HTR2C: variants seen among roughly 807,000 people sequenced by gnomAD.
The protein encoded by HTR2C is 5-hydroxytryptamine receptor 2C, also known as 5-hydroxytryptamine (serotonin) receptor 2C, G protein-coupled.
HTR2C carries 5 observed loss-of-function variants against 21.0 expected under a neutral mutation model. The ratio of observed to expected loss-of-function variants is 0.24; its 90% CI spans 0.12 to 0.50. The LOEUF is 0.50. Ranked by LOEUF, HTR2C falls within the 20% of genes least tolerant of loss-of-function variation. The pLI, the probability that HTR2C is intolerant of heterozygous loss-of-function variation, is 0.98. For synonymous variants in HTR2C, 150 were observed against 145.3 expected, an observed-to-expected ratio of 1.03 and a Z score of -0.23; for missense variants, 271 against 371.2, an observed-to-expected ratio of 0.73 and a Z score of 2.22.
At chrX:114,654,386 G>T (rs1556409004) in intron 2 of HTR2C, among the ~76,000 whole-genome samples, 2 of 108,740 alleles carry the variant, frequency 1.8e-5, no homozygotes, top group Non-Finnish European at 3.8e-5. Flanking sequence ...TCAGTTAGAA[G>T]TGTGTAATTC....
chrX:114,790,044 A>G (rs1556443110), intron 4 of HTR2C, among the ~76,000 whole-genome samples: 1 of 112,166 alleles, frequency 8.9e-6, no homozygotes. Context: ...AAGCGTTTAT[A>G]TTTTGGTTAC....
intron 4 of HTR2C, chrX:114,775,124 T>C (rs1556438342): frequency 9.7e-6 from 5 of 517,506 alleles, no homozygotes; most frequent in South Asian, 2.3e-5. Flanking sequence ...GTTGCTTTCA[T>C]GTGGAATGCA....
chrX:114,632,351 G>A (rs1483167467), intron 2 of HTR2C, among the ~76,000 whole-genome samples: 1 of 111,437 alleles, frequency 9.0e-6, no homozygotes, highest in African/African-American at 3.3e-5. Flanking sequence ...AAAGGACATG[G>A]CCCTCATTAA....
chrX:114,838,613 G>A (rs1439592825), intron 4 of HTR2C, among the ~76,000 whole-genome samples: 1 of 111,646 alleles, frequency 9.0e-6, no homozygotes, highest in African/African-American at 3.3e-5. Flanking sequence ...ACATTTGAAT[G>A]AATGAACAAA....
intron 5 of HTR2C, among the ~76,000 whole-genome samples, chrX:114,870,090 A>ATTT (rs781889134): frequency 2.6e-4 from 6 of 22,882 alleles, no homozygotes; most frequent in Admixed American, 8.5e-4. Flanking sequence ...ATTTATTATT[A>ATTT]TTATTATTTT....
At chrX:114,869,733 T>C (rs1420502451) in intron 5 of HTR2C, among the ~76,000 whole-genome samples, 10 of 112,164 alleles carry the variant, frequency 8.9e-5, no homozygotes, top group Non-Finnish European at 1.7e-4. Context: ...GCATCCTTGT[T>C]ATGTTCCAGA....
chrX:114,840,645 G>A (rs1369760802), intron 4 of HTR2C, among the ~76,000 whole-genome samples: 1 of 111,516 alleles, frequency 9.0e-6, no homozygotes, highest in Non-Finnish European at 1.9e-5. Flanking sequence ...CAAATTTGGT[G>A]AAAGCCGTAA....
Position 114,893,057 on chromosome X carries a change from C to T in HTR2C, c.551-13532C>T, listed in dbSNP as rs186596528. On this transcript the variant is annotated intron_variant, in intron 5 of 5. Coordinates refer to ENST00000276198, the MANE Select transcript of HTR2C (RefSeq NM_000868.4). ...CCTCCCAAGTAGCTGGGATTACAGG[C>T]GCCCGCCACCACACCCAGCTACTTT... Among the ~76,000 whole-genome samples, 154 of 108,520 alleles carry T rather than the reference C, an allele frequency of 1.4e-3. 1 individual carries two copies. Among genetic ancestry groups the T allele is most frequent in the African/African-American group, 4.5e-3 (135 of 29,862 alleles). The allele number at this position is 108,520 out of a possible 115,157, so 94.2% of individuals were successfully genotyped here.
chrX:114,805,395 T>C (rs2070391687), intron 4 of HTR2C, among the ~76,000 whole-genome samples: 1 of 71,253 alleles, frequency 1.4e-5, no homozygotes, highest in Admixed American at 2.2e-4. Flanking sequence ...ACTCTGCACC[T>C]GTCTCCACCC....
intron 5 of HTR2C, among the ~76,000 whole-genome samples, chrX:114,904,897 T>A (rs970123260): frequency 3.7e-4 from 41 of 110,802 alleles, no homozygotes; most frequent in Middle Eastern, 4.7e-3. Context: ...CTGCTTTTTT[T>A]TTTTTTTAAC....
At chrX:114,764,424 AG>A (rs1231363592) in intron 4 of HTR2C, among the ~76,000 whole-genome samples, 3 of 110,767 alleles carry the variant, frequency 2.7e-5, no homozygotes, top group Non-Finnish European at 5.7e-5. Context: ...AAAAAGTAAA[AG>A]AAATGTACAA....
intron 5 of HTR2C, among the ~76,000 whole-genome samples, chrX:114,874,403 A>G (rs2071116123): frequency 8.9e-6 from 1 of 111,949 alleles, no homozygotes; most frequent in Non-Finnish European, 1.9e-5. Context: ...TCCTATCAAA[A>G]GCGTGCAAGT....
At chrX:114,768,981 A>G (rs782180179) in intron 4 of HTR2C, among the ~76,000 whole-genome samples, 39 of 111,106 alleles carry the variant, frequency 3.5e-4, no homozygotes, top group Admixed American at 3.4e-3. Context: ...TGACACTTCT[A>G]GCTTTACCTC....
At chrX:114,748,378 A>C (rs1360355143) in intron 4 of HTR2C, among the ~76,000 whole-genome samples, 1 of 111,379 alleles carries the variant, frequency 9.0e-6, no homozygotes, top group East Asian at 2.8e-4. Context: ...TGCAACCAAA[A>C]CTCTCAGCAG....
At chrX:114,746,918 G>T (rs1487240473) in intron 4 of HTR2C, among the ~76,000 whole-genome samples, 2 of 111,602 alleles carry the variant, frequency 1.8e-5, no homozygotes, top group Admixed American at 9.5e-5. Flanking sequence ...CCGGGAGGGG[G>T]AGCTTGCAGT....
chrX:114,844,411 A>G (rs1019363132), intron 4 of HTR2C, among the ~76,000 whole-genome samples: 5 of 111,884 alleles, frequency 4.5e-5, no homozygotes, highest in African/African-American at 1.6e-4. Flanking sequence ...CTACAAAAAA[A>G]TCAGTTAATC....
At position 114,684,704 on chromosome X, in the gene HTR2C, T is replaced by C. The variant is rs185781449; in HGVS notation, c.-79-42154T>C. On this transcript the variant is annotated intron_variant, in intron 2 of 5. Coordinates refer to ENST00000276198, the MANE Select transcript of HTR2C (RefSeq NM_000868.4). ...TTTTTGGCATATAAAGTATTGCAGC[T>C]TTTTTGCAAAAATACCAAATCTAAG... Among the ~76,000 whole-genome samples the C allele has an allele frequency of 2.3e-4, 26 of 111,356 alleles. No homozygotes were observed. In the East Asian group the frequency reaches 7.3e-3, roughly 31 times the overall value.
rs71947180 is a variant in HTR2C at position 114,864,900 on chromosome X, C to CT, written c.550+16711dup. 7.1e-3 allele frequency among the ~76,000 whole-genome samples: 604 copies of CT among 84,717 alleles called. 3 individuals carry two copies. Among genetic ancestry groups the CT allele is most frequent in the African/African-American group, 0.023 (564 of 24,650 alleles). The allele number at this position is 84,717 out of a possible 115,157, so 73.6% of individuals were successfully genotyped here. ...GGGGTTATTTTTTCTTTTTCTTTTT[C>CT]TTTTTTTTTTTTTTGCTTTCAACAC... On this transcript the variant is annotated intron_variant, in intron 5 of 5. Coordinates refer to ENST00000276198, the MANE Select transcript of HTR2C (RefSeq NM_000868.4).
intron 2 of HTR2C, among the ~76,000 whole-genome samples, chrX:114,687,293 A>G (rs1931949756): frequency 8.9e-6 from 1 of 112,334 alleles, no homozygotes; most frequent in Non-Finnish European, 1.9e-5. Context: ...GCACTTTCAC[A>G]ATACATCCTG....
Sources: allele counts gnomAD v4.1 joint callset (sites outside exome capture counted in the v4.1 genomes callset), GRCh38; gene constraint gnomAD v4.1.1; transcripts MANE v1.5; gene names NCBI Gene and HGNC (gene_info 2026-07-23, HGNC 2026-07-21).